ABCB1: variants seen among roughly 807,000 people sequenced by gnomAD.
ABCB1 encodes the protein ATP binding cassette subfamily B member 1.
In ABCB1, 69 loss-of-function variants were observed where a neutral mutation model predicts 142.0. The observed-to-expected ratio is 0.49, with a 90% CI of 0.40 to 0.59. The LOEUF is 0.59. Ranked by LOEUF, ABCB1 falls within the 20% of genes least tolerant of loss-of-function variation. ABCB1 has a pLI of 0.00. For synonymous variants in ABCB1, 532 were observed against 539.2 expected (o/e 0.99, Z 0.18); for missense variants, 1,326 against 1,554.7 (o/e 0.85, Z 2.47).
At chr7:87,688,753 C>A (rs1424478480) in intron 1 of ABCB1, among the ~76,000 whole-genome samples, 1 of 151,902 alleles carries the variant, frequency 6.6e-6, no homozygotes, top group Non-Finnish European at 1.5e-5. Flanking sequence ...TTTTATAACA[C>A]AATTCTCATA....
At chr7:87,585,799 C>T in intron 3 of ABCB1, 119 bp from the exon 4 acceptor site, 1 of 962,202 alleles carries the variant, frequency 1.0e-6, no homozygotes, top group Non-Finnish European at 1.6e-6. Context: ...CTGATACCAA[C>T]CTAGTCCAAG....
chr7:87,631,475 C>T (rs1303476291), intron 1 of ABCB1, among the ~76,000 whole-genome samples: 1 of 152,170 alleles, frequency 6.6e-6, no homozygotes, highest in Non-Finnish European at 1.5e-5. Context: ...ACTGCAAGCT[C>T]CGCCTCCCGG....
chr7:87,695,807 G>A (rs1035862755), intron 1 of ABCB1, among the ~76,000 whole-genome samples: 1 of 152,006 alleles, frequency 6.6e-6, no homozygotes, highest in Non-Finnish European at 1.5e-5. Flanking sequence ...TCTTATTCTG[G>A]CCATGAAATA....
chr7:87,617,807 C>A (rs528218515), intron 1 of ABCB1, among the ~76,000 whole-genome samples: 1 of 152,110 alleles, frequency 6.6e-6, no homozygotes. Flanking sequence ...AAGGGCTTCT[C>A]AACATTCTTA....
Position 87,570,223 on chromosome 7 carries a change from C to G in ABCB1, c.287G>C (p.Ser96Thr). 6.2e-7 allele frequency: 1 copy of G among 1,612,592 alleles called. No individual in the cohort carries two copies. The highest frequency in any genetic ancestry group is 8.5e-7 in the Non-Finnish European group (1 of 1,179,204). Reference sequence around the variant, plus strand: ...GAAGAACCCTGTATCATTGATATCACCTAGACCACCACAAAACAAACATAC... The same window carrying G: ...GAAGAACCCTGTATCATTGATATCAGCTAGACCACCACAAAACAAACATAC... Reference protein sequence around the residue: ...EDLMSNITNRSDINDTGFFMN... With the variant: ...EDLMSNITNRTDINDTGFFMN... Residue 96 changes from serine (S) to threonine (T), a missense_variant and splice_region_variant, in exon 5 of 28, where the codon AGT becomes ACT. Physicochemically the swap from Ser to Thr is moderately conservative, Grantham distance 58. Transcript: ENST00000622132.
rs1823107631 is a variant in ABCB1 at position 87,647,304 on chromosome 7, T to C, written c.-330-46226A>G. 1.3e-5 allele frequency among the ~76,000 whole-genome samples: 2 copies of C among 152,212 alleles called. 1 individual carries two copies. The highest frequency in any genetic ancestry group is 2.9e-5 in the Non-Finnish European group (2 of 68,024). The stretch of plus-strand genomic sequence containing the variant: ...TTAAAATTTCCATTCTCTTTTGTTG[T>C]TGTTATTGTCATTTTCTTTGTCTTT... On this transcript the variant is annotated intron_variant, in intron 1 of 28. Transcript: ENST00000265724.
In ABCB1 at chr7:87,519,445, G is replaced by A; in HGVS notation, c.2808C>T (p.His936=). ...VPYRNSLRKA[H]IFGITFSFTQ... ...TGAAGGAAAATGTAATTCCAAAGAT[G>A]TGTGCTTTCCTCAAAGAGTTTCTGA... Residue 936 remains histidine, a synonymous_variant, in exon 23 of 28, where the codon CAC becomes CAT. Coordinates refer to ENST00000622132, the MANE Select transcript of ABCB1 (RefSeq NM_001348946.2). 6.2e-7 allele frequency: 1 copy of A among 1,614,034 alleles called. No homozygotes were observed. Among genetic ancestry groups the A allele is most frequent in the Non-Finnish European group, 8.5e-7 (1 of 1,179,906 alleles).
intron 3 of ABCB1, among the ~76,000 whole-genome samples, chr7:87,589,485 C>A (rs1818896365): frequency 6.6e-6 from 1 of 152,034 alleles, no homozygotes; most frequent in African/African-American, 2.4e-5. Flanking sequence ...GTAATAGGAG[C>A]TTTTAAAAAA....
chr7:87,562,384 A>G (rs1347809815), intron 7 of ABCB1, among the ~76,000 whole-genome samples: 1 of 152,186 alleles, frequency 6.6e-6, no homozygotes, highest in African/African-American at 2.4e-5. Context: ...TTGCAGAACC[A>G]TTCACGGTAG....
In ABCB1 at chr7:87,550,270, C is replaced by A. The variant is rs200176685; in HGVS notation, c.1251G>T (p.Val417=). 5 of 1,614,052 alleles carry A rather than the reference C, an allele frequency of 3.1e-6. No homozygotes were observed. In the Admixed American group the frequency reaches 6.7e-5, roughly 22 times the overall value. ...CCAGGGCCACCGTCTGCCCACTCTG[C>A]ACCTTCAGGTTCAGACCCTTCAAGA... The part of the protein sequence containing the change: ...VKILKGLNLK[V]QSGQTVALVG... Residue 417 remains valine (V), a synonymous_variant, in exon 12 of 28, where the codon GTG becomes GTT. Coordinates refer to ENST00000622132, the MANE Select transcript of ABCB1 (RefSeq NM_001348946.2).
chr7:87,504,590 CAAGGTCAGA>C, intron 27 of ABCB1, 141 bp from the exon 28 acceptor site: 1 of 1,116,566 alleles, frequency 9.0e-7, no homozygotes. Context: ...GGGCAGATCA[CAAGGTCAGA>C]TTGAGACCAT....
chr7:87,663,499 T>G (rs1824922682), intron 1 of ABCB1, among the ~76,000 whole-genome samples: 2 of 152,162 alleles, frequency 1.3e-5, no homozygotes, highest in Admixed American at 6.6e-5. Flanking sequence ...ACCTTTTTAT[T>G]TTCAGTAAAT....
chr7:87,530,793 G>GA (rs1816002853), intron 21 of ABCB1, among the ~76,000 whole-genome samples: 1 of 92,918 alleles, frequency 1.1e-5, no homozygotes, highest in African/African-American at 3.9e-5. Context: ...AGAAAAGAAA[G>GA]AAAGCAAGAA....
At chr7:87,595,688 G>T in intron 3 of ABCB1, 78 bp downstream of exon 3, 1 of 1,203,804 alleles carries the variant, frequency 8.3e-7, no homozygotes, top group Non-Finnish European at 1.2e-6. Flanking sequence ...TCTTACATCA[G>T]ATGAAATATC....
chr7:87,621,950 G>C (rs1254382128), intron 1 of ABCB1, among the ~76,000 whole-genome samples: 8 of 152,056 alleles, frequency 5.3e-5, no homozygotes, highest in Non-Finnish European at 1.2e-4. Context: ...TGGGACAGTG[G>C]TTAATCATTG....
chr7:87,516,732 T>C (rs78233705), intron 23 of ABCB1, 67 bp from the exon 24 acceptor site: 4 of 152,832 alleles, frequency 2.6e-5, no homozygotes, highest in South Asian at 9.6e-5. Context: ...CTGACACTCC[T>C]TTTTTTTTTT....
chr7:87,640,254 T>A (rs1471721458), intron 1 of ABCB1, among the ~76,000 whole-genome samples: 4 of 151,258 alleles, frequency 2.6e-5, no homozygotes, highest in Non-Finnish European at 5.9e-5. Context: ...ACAGTAGGTA[T>A]TTAGGAAATA....
chr7:87,705,085 A>G (rs1829468079), intron 1 of ABCB1, among the ~76,000 whole-genome samples: 4 of 152,182 alleles, frequency 2.6e-5, no homozygotes, highest in Admixed American at 2.0e-4. Flanking sequence ...TTAGATTCAT[A>G]TTGTAGAAGC....
chr7:87,631,172 C>A (rs1821174945), intron 1 of ABCB1, among the ~76,000 whole-genome samples: 1 of 152,052 alleles, frequency 6.6e-6, no homozygotes, highest in Non-Finnish European at 1.5e-5. Context: ...TGTAAATTAT[C>A]CATGTGTAGT....
Sources: allele counts gnomAD v4.1 joint callset (sites outside exome capture counted in the v4.1 genomes callset), GRCh38; gene constraint gnomAD v4.1.1; transcripts MANE v1.5; gene names NCBI Gene and HGNC (gene_info 2026-07-23, HGNC 2026-07-21).